The following STAU1 variants were observed in gnomAD, a reference collection of about 807,000 sequenced individuals.
The protein encoded by STAU1 is double-stranded RNA-binding protein Staufen homolog 1.
In STAU1, 13 loss-of-function variants were observed where a neutral mutation model predicts 62.9. That is an observed-to-expected ratio of 0.21 (90% confidence interval 0.13 to 0.33). STAU1 has a LOEUF of 0.33. STAU1 is among the 10% of genes least tolerant of loss of function. The pLI is 1.00. For synonymous variants in STAU1, 269 were observed against 265.1 expected (o/e 1.01, Z -0.14); for missense variants, 571 against 712.1 (o/e 0.80, Z 2.25).
At chr20:49,126,574 C>CAAAAAAAAAAAAAACAAAAAAAAA (rs58056780) in intron 6 of STAU1, among the ~76,000 whole-genome samples, 26 of 24,934 alleles carry the variant, frequency 1.0e-3, no homozygotes, top group South Asian at 1.4e-3. Context: ...TCTCAAAAAG[C>CAAAAAAAAAAAAAACAAAAAAAAA]AAAAAAAAAA....
chr20:49,166,549 T>C (rs2093529418), intron 2 of STAU1, among the ~76,000 whole-genome samples: 1 of 152,206 alleles, frequency 6.6e-6, no homozygotes, highest in Non-Finnish European at 1.5e-5. Flanking sequence ...CAGTAGGGTA[T>C]AATATTTATT....
chr20:49,119,830 T>G (rs1263473539), intron 9 of STAU1, 152 bp downstream of exon 9: 2 of 942,834 alleles, frequency 2.1e-6, no homozygotes, highest in Non-Finnish European at 3.1e-6. Context: ...TCTGAGCACA[T>G]TATGGTCCAA....
At chr20:49,181,633 G>A (rs544073241) in intron 1 of STAU1, among the ~76,000 whole-genome samples, 2 of 152,072 alleles carry the variant, frequency 1.3e-5, no homozygotes, top group African/African-American at 4.8e-5. Context: ...GGGCGTGGTG[G>A]TGCTCAATTG....
At chr20:49,206,284 G>T in the STAU1 span, among the ~76,000 whole-genome samples, 11 of 151,046 alleles carry the variant, frequency 7.3e-5, no homozygotes, top group Non-Finnish European at 1.3e-4. Context: ...GTGAGCCACC[G>T]CACCCGGCCA....
At chr20:49,168,610 A>C (rs1022752890) in intron 2 of STAU1, among the ~76,000 whole-genome samples, 1 of 152,224 alleles carries the variant, frequency 6.6e-6, no homozygotes, top group African/African-American at 2.4e-5. Context: ...AAAATGCAAC[A>C]AACAATACTC....
At chr20:49,162,715 G>A (rs1039495597) in intron 3 of STAU1, among the ~76,000 whole-genome samples, 1 of 151,186 alleles carries the variant, frequency 6.6e-6, no homozygotes, top group African/African-American at 2.4e-5. Context: ...GGCAGAGCTT[G>A]CAGTGAGCCG....
chr20:49,210,461 TTCTC>T, the STAU1 span: 3 of 455,938 alleles, frequency 6.6e-6, no homozygotes, highest in South Asian at 3.1e-5. Context: ...CTTCCTCCTC[TTCTC>T]TCTCTCCTTT....
the STAU1 span, among the ~76,000 whole-genome samples, chr20:49,216,396 C>T: frequency 6.6e-6 from 1 of 151,872 alleles, no homozygotes; most frequent in East Asian, 1.9e-4. Flanking sequence ...GGCATGGTGG[C>T]GGGTGCCTGT....
intron 13 of STAU1, among the ~76,000 whole-genome samples, chr20:49,115,276 G>GT (rs1385659178): frequency 2.0e-5 from 3 of 152,136 alleles, no homozygotes. Flanking sequence ...TTCTGACCAT[G>GT]TGAAGGTATG....
intron 1 of STAU1, among the ~76,000 whole-genome samples, chr20:49,175,416 T>C (rs980330433): frequency 2.0e-5 from 3 of 152,234 alleles, no homozygotes; most frequent in Non-Finnish European, 4.4e-5. Context: ...AGAACTTTCC[T>C]TTTCCAGTCC....
In STAU1 at chr20:49,124,534, C is replaced by T. The variant is rs368024753; in HGVS notation, c.663G>A (p.Ser221=). Residue 221 remains serine (S), a synonymous_variant, in exon 7 of 14, where the codon TCG becomes TCA. Coordinates refer to ENST00000371856, the MANE Select transcript of STAU1 (RefSeq NM_017453.4). ...CACCTTCCCCCACAAACTCCCCAAC[C>T]GAAACCTTGGTCACAAAGTTCTTCA... ...PHMKNFVTKV[S]VGEFVGEGEG... The T allele has an allele frequency of 7.4e-6, 12 of 1,613,956 alleles. No homozygotes were observed. The African/African-American group carries it at 8.0e-5, about 11-fold the overall frequency.
intron 3 of STAU1, among the ~76,000 whole-genome samples, chr20:49,162,418 AG>A (rs1389133515): frequency 6.6e-6 from 1 of 152,180 alleles, no homozygotes; most frequent in African/African-American, 2.4e-5. Context: ...AACCAGTCCA[AG>A]GAATTGTGGG....
intron 6 of STAU1, among the ~76,000 whole-genome samples, chr20:49,126,186 G>GA (rs377677549): frequency 6.8e-5 from 10 of 146,696 alleles, no homozygotes; most frequent in African/African-American, 1.3e-4. Context: ...CAACAAGAGG[G>GA]AAAAAAAAAA....
chr20:49,164,468 T>C (rs564271249), intron 3 of STAU1, among the ~76,000 whole-genome samples: 8 of 151,700 alleles, frequency 5.3e-5, no homozygotes, highest in African/African-American at 1.9e-4. Context: ...GTATTTTTTT[T>C]TTTGTATAGA....
At chr20:49,120,193 TG>T in intron 8 of STAU1, 65 bp from the exon 9 acceptor site, 1 of 1,538,996 alleles carries the variant, frequency 6.5e-7, no homozygotes, top group Non-Finnish European at 8.8e-7. Context: ...AGGCAGGAAT[TG>T]GTGTGTCAGC....
At chr20:49,193,328 G>A (rs1346688739), upstream of STAU1, among the ~76,000 whole-genome samples, 2 of 150,764 alleles carry the variant, frequency 1.3e-5, no homozygotes, top group Admixed American at 1.3e-4. Context: ...AGTGAGCCGA[G>A]ATCACACCAC....
chr20:49,127,940 A>G (rs1208965701), intron 6 of STAU1, among the ~76,000 whole-genome samples: 1 of 152,198 alleles, frequency 6.6e-6, no homozygotes, highest in Non-Finnish European at 1.5e-5. Flanking sequence ...ACCTGAGGCC[A>G]GGAGTTTGAG....
rs1217684925 is a variant in STAU1, at chr20:49,115,710, T to C, written c.1718+72A>G. 3.9e-6 allele frequency: 5 copies of C among 1,271,628 alleles called. No individual in the cohort carries two copies. The East Asian group carries it at 7.0e-5, about 18-fold the overall frequency. The allele number at this position is 1,271,628 out of a possible 1,614,324, so 78.8% of individuals were successfully genotyped here. ...AATATTTCCCCGCTGAGTCAGCAGA[T>C]AGTGTAAACTCAACACAAACGAGGG... On this transcript the variant is annotated intron_variant, in intron 13 of 13. Transcript: ENST00000371856.
At chr20:49,135,013 G>T (rs1051145051) in intron 6 of STAU1, 4 of 1,598,636 alleles carry the variant, frequency 2.5e-6, no homozygotes, top group Non-Finnish European at 3.4e-6. Context: ...GACCTGGACA[G>T]CGAAGGGAGC....
Sources: allele counts gnomAD v4.1 joint callset (sites outside exome capture counted in the v4.1 genomes callset), GRCh38; gene constraint gnomAD v4.1.1; transcripts MANE v1.5; gene names NCBI Gene and HGNC (gene_info 2026-07-23, HGNC 2026-07-21).